IL16: variants seen among roughly 807,000 people sequenced by gnomAD.
IL16 encodes pro-interleukin-16.
Under a neutral mutation model 110.1 loss-of-function variants are expected in IL16, and 67 were observed. That is an observed-to-expected ratio of 0.61 (90% confidence interval 0.50 to 0.75). The LOEUF is 0.75. Among genes scored for constraint, IL16 ranks in the 30% least tolerant of loss-of-function variants. IL16 has a pLI of 0.00. For synonymous variants in IL16, 689 were observed against 662.9 expected, an observed-to-expected ratio of 1.04 and a Z score of -0.61; for missense variants, 1,545 against 1,655.0, an observed-to-expected ratio of 0.93 and a Z score of 1.15.
chr15:81,281,226 C>T (rs1009103696), intron 8 of IL16, among the ~76,000 whole-genome samples: 1 of 152,190 alleles, frequency 6.6e-6, no homozygotes, highest in African/African-American at 2.4e-5. Context: ...GCTGGGAGGA[C>T]CAGCATGAGA....
chr15:81,240,622 A>AG (rs1897309495), intron 2 of IL16, among the ~76,000 whole-genome samples: 3 of 152,160 alleles, frequency 2.0e-5, no homozygotes, highest in Non-Finnish European at 4.4e-5. Flanking sequence ...TTGTACGTAT[A>AG]TAAACCTTTT....
chr15:81,199,208 G>A (rs1895721525), intron 1 of IL16, among the ~76,000 whole-genome samples: 2 of 152,188 alleles, frequency 1.3e-5, no homozygotes, highest in African/African-American at 2.4e-5. Flanking sequence ...TAAACAAATA[G>A]TTCCAAGAAC....
intron 1 of IL16, among the ~76,000 whole-genome samples, chr15:81,191,702 T>G (rs772593326): frequency 6.6e-6 from 1 of 152,030 alleles, no homozygotes; most frequent in Non-Finnish European, 1.5e-5. Context: ...AGATCCCACT[T>G]AGGAGATGGA....
intron 6 of IL16, 55 bp from the exon 7 acceptor site, chr15:81,278,762 A>G: frequency 2.6e-6 from 3 of 1,147,758 alleles, no homozygotes; most frequent in Non-Finnish European, 4.0e-6. Flanking sequence ...AGGTAATGAT[A>G]ATGCCCTTTG....
chr15:81,301,270 T>C (rs1900269957), intron 14 of IL16, 74 bp from the exon 15 acceptor site: 23 of 1,335,394 alleles, frequency 1.7e-5, no homozygotes, highest in Admixed American at 9.5e-5. Context: ...ACCTGGGACA[T>C]AGTAATTATA....
At chr15:81,235,936 G>A (rs530980332) in intron 2 of IL16, among the ~76,000 whole-genome samples, 5 of 152,184 alleles carry the variant, frequency 3.3e-5, no homozygotes, top group Admixed American at 6.5e-5. Context: ...CAGGACACTC[G>A]ATCTGGAAGA....
chr15:81,243,169 T>A lies in IL16; in HGVS notation c.313-16603T>A, dbSNP rs1164288312. Among the ~76,000 whole-genome samples, 365 of 39,410 alleles carry A rather than the reference T, an allele frequency of 9.3e-3. 1 individual carries two copies. Among genetic ancestry groups the A allele is most frequent in the African/African-American group, 0.034 (272 of 8,006 alleles). 25.9% of individuals were successfully genotyped at this position (39,410 alleles called of 152,430 possible). The stretch of plus-strand genomic sequence containing the variant: ...TATATATATATATATATATATTTTT[T>A]TTTTTTTTTTTTTTTTTTTTTTTTG... On this transcript the variant is annotated intron_variant, in intron 2 of 18. Coordinates refer to ENST00000683961, the MANE Select transcript of IL16 (RefSeq NM_172217.5).
chr15:81,199,603 G>A (rs564025062), intron 1 of IL16, among the ~76,000 whole-genome samples: 3 of 152,304 alleles, frequency 2.0e-5, no homozygotes, highest in African/African-American at 7.2e-5. Flanking sequence ...TGCTCCTCCA[G>A]TGGACAGTTA....
intron 5 of IL16, among the ~76,000 whole-genome samples, chr15:81,272,515 A>G (rs1898686723): frequency 2.0e-5 from 3 of 152,200 alleles, no homozygotes; most frequent in Admixed American, 1.3e-4. Flanking sequence ...GGAATCACCT[A>G]GGACAATGGC....
intron 1 of IL16, among the ~76,000 whole-genome samples, chr15:81,209,780 C>G (rs1292994360): frequency 1.3e-5 from 2 of 152,182 alleles, no homozygotes; most frequent in Non-Finnish European, 2.9e-5. Context: ...TGCCTCCCCT[C>G]GCCAGTGGCC....
chr15:81,189,474 G>A (rs531324639), intron 1 of IL16, among the ~76,000 whole-genome samples: 5 of 152,134 alleles, frequency 3.3e-5, no homozygotes, highest in Non-Finnish European at 5.9e-5. Flanking sequence ...GAGTCTTGCT[G>A]TAGAGACAGG....
chr15:81,287,124 C>A (rs986545306), intron 10 of IL16, among the ~76,000 whole-genome samples: 1 of 152,142 alleles, frequency 6.6e-6, no homozygotes, highest in Admixed American at 6.5e-5. Context: ...CCATATCAGG[C>A]AACATGAGGC....
intron 2 of IL16, among the ~76,000 whole-genome samples, chr15:81,252,044 T>C (rs1897786549): frequency 6.6e-6 from 1 of 152,332 alleles, no homozygotes; most frequent in South Asian, 2.1e-4. Flanking sequence ...TAGGGTCTGA[T>C]TGGTGGAGAA....
chr15:81,257,615 C>T (rs1462756705), intron 2 of IL16, among the ~76,000 whole-genome samples: 1 of 152,142 alleles, frequency 6.6e-6, no homozygotes, highest in Non-Finnish European at 1.5e-5. Context: ...CTCACAGTGG[C>T]AGGGGCTGGA....
At chr15:81,302,388 G>T (rs187719257) in intron 15 of IL16, 9 of 152,366 alleles carry the variant, frequency 5.9e-5, no homozygotes, top group African/African-American at 1.9e-4. Flanking sequence ...AACACAAAGA[G>T]CCATCCTGCC....
intron 17 of IL16, 124 bp from the exon 18 acceptor site, chr15:81,306,296 A>G: frequency 6.6e-7 from 1 of 1,515,844 alleles, no homozygotes; most frequent in Non-Finnish European, 8.9e-7. Context: ...ACTGCCTGAG[A>G]CGTGTTTACA....
At chr15:81,232,050 T>TTG (rs1897016968) in intron 2 of IL16, among the ~76,000 whole-genome samples, 5 of 116,294 alleles carry the variant, frequency 4.3e-5, no homozygotes, top group Admixed American at 8.3e-5. Context: ...TTGTTTTTTT[T>TTG]TTTTTTTTTT....
At position 81,313,816 on chromosome 15, in the gene IL16, T is replaced by G. The variant is rs1900995953; in HGVS notation, c.*5018T>G. On this transcript the variant is annotated 3_prime_UTR_variant, in exon 19 of 19. Coordinates refer to ENST00000683961, the MANE Select transcript of IL16 (RefSeq NM_172217.5). Reference sequence around the variant, plus strand: ...GACCCTTTCAAGGGGTCTACAAAGTTAACACTATTTTTATAACAACACGAA... The same window carrying G: ...GACCCTTTCAAGGGGTCTACAAAGTGAACACTATTTTTATAACAACACGAA... 6.5e-6 allele frequency: 1 copy of G among 153,974 alleles called. No individual in the cohort carries two copies. The highest frequency in any genetic ancestry group is 2.1e-4 in the South Asian group (1 of 4,856). The allele number at this position is 153,974 out of a possible 1,614,324, so 9.5% of individuals were successfully genotyped here. A position where few individuals can be genotyped will look rare whatever the true frequency, so the allele number is the denominator to read the frequency against.
rs187861104 is a variant in IL16 at position 81,232,273 on chromosome 15, T to C, written c.312+6562T>C. ...GTTTATTTTTCAGCATATCCAATCG[T>C]TACCTACCATTTCTGAATAAGCGGA... On this transcript the variant is annotated intron_variant, in intron 2 of 18. Coordinates refer to ENST00000683961, the MANE Select transcript of IL16 (RefSeq NM_172217.5). Among the ~76,000 whole-genome samples the C allele has an allele frequency of 2.6e-3, 393 of 152,250 alleles. 1 individual carries two copies. The highest frequency in any genetic ancestry group is 9.1e-3 in the African/African-American group (379 of 41,556).
Sources: allele counts gnomAD v4.1 joint callset (sites outside exome capture counted in the v4.1 genomes callset), GRCh38; gene constraint gnomAD v4.1.1; transcripts MANE v1.5; gene names NCBI Gene and HGNC (gene_info 2026-07-23, HGNC 2026-07-21).